FGGY: variants seen among roughly 807,000 people sequenced by gnomAD.
FGGY encodes the protein FGGY carbohydrate kinase domain containing.
FGGY carries 72 observed loss-of-function variants against 71.3 expected under a neutral mutation model. The observed-to-expected ratio is 1.01, with a 90% CI of 0.84 to 1.23. The LOEUF is 1.23. Among genes scored for constraint, FGGY ranks in the 50% most tolerant of loss-of-function variants. FGGY has a pLI of 0.00. For missense variants in FGGY, 668 were observed against 682.3 expected (o/e 0.98, Z 0.23); for synonymous variants, 251 against 250.3 (o/e 1.00, Z -0.02).
chr1:59,503,578 G>T (rs1359212688), intron 6 of FGGY, among the ~76,000 whole-genome samples: 4 of 131,184 alleles, frequency 3.0e-5, no homozygotes, highest in Admixed American at 7.7e-5. Context: ...ATACGCATTG[G>T]CTTTTGTGGT....
chr1:59,535,694 A>C (rs935116514), intron 7 of FGGY, among the ~76,000 whole-genome samples: 128 of 150,402 alleles, frequency 8.5e-4, no homozygotes, highest in Non-Finnish European at 3.0e-4. Context: ...AAAACCGCTC[A>C]ACTACATGGA....
At chr1:59,411,285 G>T (rs1571813751) in intron 5 of FGGY, among the ~76,000 whole-genome samples, 1 of 152,170 alleles carries the variant, frequency 6.6e-6, no homozygotes, top group Non-Finnish European at 1.5e-5. Context: ...TGTGTTTTTG[G>T]CAGGGAAGCT....
At chr1:59,436,948 A>T (rs897244704) in intron 5 of FGGY, among the ~76,000 whole-genome samples, 1 of 152,218 alleles carries the variant, frequency 6.6e-6, no homozygotes, top group Non-Finnish European at 1.5e-5. Flanking sequence ...AAACTCTCCC[A>T]TGACACTATG....
chr1:59,316,301 C>T (rs1345229049), intron 1 of FGGY: 1 of 152,170 alleles, frequency 6.6e-6, no homozygotes, highest in Non-Finnish European at 1.5e-5. Flanking sequence ...CCAAATAAAT[C>T]CTGGAGGAGT....
rs137912508 is a variant in FGGY, at chr1:59,542,075, G to A, written c.800-12049G>A. ...CTGAGAGTCAGCAGCCACAGCCAGG[G>A]TGGAGGAGATCCTTGTAATCATAAG... On this transcript the variant is annotated intron_variant, in intron 7 of 15. Transcript: ENST00000303721. 4.6e-3 allele frequency among the ~76,000 whole-genome samples: 702 copies of A among 152,318 alleles called. 4 individuals are homozygous for A. Among genetic ancestry groups the A allele is most frequent in the Admixed American group, 0.015 (228 of 15,304 alleles).
intron 8 of FGGY, among the ~76,000 whole-genome samples, chr1:59,600,404 A>G (rs35107798): frequency 0.099 from 15,072 of 152,234 alleles, 894 homozygotes; most frequent in South Asian, 0.3. Context: ...TGTGGAGCTC[A>G]GGAGCAAGGC....
intron 10 of FGGY, among the ~76,000 whole-genome samples, chr1:59,627,320 G>GACAACTCTTT (rs1413924754): frequency 1.3e-5 from 2 of 151,372 alleles, no homozygotes; most frequent in Non-Finnish European, 2.9e-5. Context: ...TAGCTATAGT[G>GACAACTCTTT]ACAACTCTTT....
At chr1:59,673,640 A>C (rs1382484838) in intron 13 of FGGY, 1 of 199,788 alleles carries the variant, frequency 5.0e-6, no homozygotes, top group Admixed American at 5.3e-5. Flanking sequence ...TCTCTCATCC[A>C]TTTCCCTCTG....
chr1:59,558,160 A>C (rs971626937), intron 8 of FGGY, among the ~76,000 whole-genome samples: 1 of 152,196 alleles, frequency 6.6e-6, no homozygotes, highest in Admixed American at 6.5e-5. Flanking sequence ...GGTTCAAATT[A>C]GGCCATCTTT....
At chr1:59,341,595 C>T (rs980577396) in intron 3 of FGGY, among the ~76,000 whole-genome samples, 1 of 152,142 alleles carries the variant, frequency 6.6e-6, no homozygotes, top group Admixed American at 6.5e-5. Flanking sequence ...GCTGGGGCTT[C>T]AAAGATAAAT....
intron 14 of FGGY, among the ~76,000 whole-genome samples, chr1:59,708,448 T>C (rs953655307): frequency 3.3e-5 from 5 of 152,166 alleles, no homozygotes; most frequent in Admixed American, 3.3e-4. Flanking sequence ...GCTCGGCCCC[T>C]ATTAAGTGGG....
intron 5 of FGGY, among the ~76,000 whole-genome samples, chr1:59,439,372 C>T (rs1158572522): frequency 6.6e-6 from 1 of 152,082 alleles, no homozygotes; most frequent in Non-Finnish European, 1.5e-5. Flanking sequence ...GTACTTTTGT[C>T]GAGACTGAAG....
intron 11 of FGGY, among the ~76,000 whole-genome samples, chr1:59,646,173 T>C (rs972678338): frequency 3.9e-5 from 6 of 152,184 alleles, no homozygotes; most frequent in African/African-American, 1.2e-4. Context: ...GCTTTTCCGA[T>C]AGGGAGATGG....
intron 4 of FGGY, among the ~76,000 whole-genome samples, chr1:59,367,700 C>A (rs2056816260): frequency 1.3e-5 from 2 of 152,190 alleles, no homozygotes. Context: ...TGTCTAGAAG[C>A]AGCAGAAACC....
At chr1:59,446,773 G>A (rs1039168470) in intron 5 of FGGY, among the ~76,000 whole-genome samples, 1 of 152,168 alleles carries the variant, frequency 6.6e-6, no homozygotes, top group Admixed American at 6.5e-5. Flanking sequence ...TGGCTGGTTC[G>A]ATTGAGACTC....
At position 59,638,367 on chromosome 1, in the gene FGGY, A is replaced by G; in HGVS notation, c.1213A>G (p.Lys405Glu). The G allele has an allele frequency of 6.2e-7, 1 of 1,614,222 alleles. No homozygotes were observed. The highest frequency in any genetic ancestry group is 8.5e-7 in the Non-Finnish European group (1 of 1,180,032). The change falls in exon 11 of 16, where the codon AAG becomes GAG. Residue 405 changes from lysine to glutamate, a missense_variant. Physicochemically the swap from Lys to Glu is moderately conservative, Grantham distance 56. Around this residue, in one of 2 missense-constraint regions of FGGY, gnomAD observed 661 missense variants for 661.6 expected, o/e 1.00. Coordinates refer to ENST00000303721, the MANE Select transcript of FGGY (RefSeq NM_018291.5). ...GTCTCCCTTAGCAGATCTGACACTAAAGGGCATGGTAAGTAACAGCTAGTC... is the reference window on the plus strand; with the variant it reads ...GTCTCCCTTAGCAGATCTGACACTAGAGGGCATGGTAAGTAACAGCTAGTC... ...NRSPLADLTL[K>E]GMVTGLKLSQ...
At chr1:59,488,135 A>AAGG (rs777780856) in intron 6 of FGGY, among the ~76,000 whole-genome samples, 1 of 152,146 alleles carries the variant, frequency 6.6e-6, no homozygotes, top group African/African-American at 2.4e-5. Flanking sequence ...TAGAAGCATA[A>AAGG]TTTTAATAAT....
intron 14 of FGGY, among the ~76,000 whole-genome samples, chr1:59,686,753 A>G (rs1427615754): frequency 6.6e-6 from 1 of 152,078 alleles, no homozygotes; most frequent in East Asian, 1.9e-4. Flanking sequence ...TAATAAATCG[A>G]GCTGTATTTC....
chr1:59,392,445 C>G (rs547578769), intron 5 of FGGY, among the ~76,000 whole-genome samples: 26 of 152,192 alleles, frequency 1.7e-4, no homozygotes, highest in Admixed American at 3.9e-4. Flanking sequence ...GCCCCTGGCA[C>G]CCATATCAGA....
Sources: gnomAD v4.1 joint callset for allele counts (sites outside exome capture counted in the v4.1 genomes callset) on GRCh38, gnomAD v4.1.1 for gene constraint, gnomAD v4.1.1 regional missense constraint, MANE v1.5 for transcripts, NCBI Gene and HGNC (gene_info 2026-07-23, HGNC 2026-07-21) for gene names.